Variants in TMX4 observed in about 807,000 individuals in gnomAD.
TMX4 encodes thioredoxin-related transmembrane protein 4.
In TMX4, 23 loss-of-function variants were observed where a neutral mutation model predicts 33.3. The ratio of observed to expected loss-of-function variants is 0.69; its 90% CI spans 0.50 to 0.98. The LOEUF (loss-of-function observed/expected upper bound fraction) is 0.98, where lower values mean the gene tolerates loss of function less well. TMX4 is among the 50% of genes least tolerant of loss of function. TMX4 has a pLI of 0.00. For missense variants in TMX4, 399 were observed against 448.9 expected, an observed-to-expected ratio of 0.89 and a Z score of 1.01; for synonymous variants, 164 against 161.5, an observed-to-expected ratio of 1.02 and a Z score of -0.12.
rs1177455800 is a variant in TMX4 at position 7,978,655 on chromosome 20, TAACA to T, written c.*3592_*3595del. On this transcript the variant is annotated 3_prime_UTR_variant, in exon 8 of 8. Transcript: ENST00000246024. ...GTATAGAGCTAAAGAGGCCTGTGGCTAACAGACAGGGATTCCATGCACAAGAGCT... is the reference window on the plus strand; with the variant it reads ...GTATAGAGCTAAAGAGGCCTGTGGCTGACAGGGATTCCATGCACAAGAGCT... The T allele has an allele frequency of 6.6e-6, 1 of 152,228 alleles. No homozygotes were observed. Among genetic ancestry groups the T allele is most frequent in the Non-Finnish European group, 1.5e-5 (1 of 68,042 alleles). 9.4% of individuals were successfully genotyped at this position (152,228 alleles called of 1,614,324 possible).
chr20:8,003,232 CA>C (rs2050714620), intron 2 of TMX4, among the ~76,000 whole-genome samples: 1 of 152,044 alleles, frequency 6.6e-6, no homozygotes, highest in Non-Finnish European at 1.5e-5. Flanking sequence ...TCCTTATGAC[CA>C]GCCAAAAATT....
At chr20:8,003,583 T>C (rs937915581) in intron 2 of TMX4, among the ~76,000 whole-genome samples, 1 of 152,108 alleles carries the variant, frequency 6.6e-6, no homozygotes, top group Non-Finnish European at 1.5e-5. Flanking sequence ...CTTTTAGAAA[T>C]TGCACCTCAT....
At chr20:8,006,009 G>C (rs1292104771) in intron 2 of TMX4, among the ~76,000 whole-genome samples, 1 of 146,726 alleles carries the variant, frequency 6.8e-6, no homozygotes, top group South Asian at 2.1e-4. Context: ...TAAGGCAGGG[G>C]GGTGTCTAAT....
intron 2 of TMX4, among the ~76,000 whole-genome samples, chr20:8,004,953 A>T (rs1037955190): frequency 1.3e-5 from 2 of 152,252 alleles, no homozygotes; most frequent in African/African-American, 4.8e-5. Flanking sequence ...GTTATTATCA[A>T]CAAAGAGGGT....
intron 5 of TMX4, among the ~76,000 whole-genome samples, chr20:7,995,656 G>A (rs1195316087): frequency 6.6e-6 from 1 of 152,008 alleles, no homozygotes; most frequent in African/African-American, 2.4e-5. Flanking sequence ...ACAGGCTAGA[G>A]TTTGTTAATC....
At chr20:8,003,651 C>G (rs2050716319) in intron 2 of TMX4, among the ~76,000 whole-genome samples, 1 of 151,944 alleles carries the variant, frequency 6.6e-6, no homozygotes, top group Non-Finnish European at 1.5e-5. Context: ...CAGTGAGTAC[C>G]AAGAAAAAGT....
chr20:7,997,507 TA>T (rs1162887988), intron 4 of TMX4, among the ~76,000 whole-genome samples: 2,121 of 143,478 alleles, frequency 0.015, 53 homozygotes, highest in African/African-American at 0.049. Flanking sequence ...TTTCCTTATT[TA>T]AAAAAAAAAA....
At chr20:8,006,230 A>G (rs6055457) in intron 2 of TMX4, among the ~76,000 whole-genome samples, 39,338 of 151,800 alleles carry the variant, frequency 0.26, 6,153 homozygotes, top group South Asian at 0.42. Flanking sequence ...CCTGTGAGGG[A>G]AGAAGGGAAC....
rs964843963 is a variant in TMX4, at chr20:7,987,280, T to A, written c.615+8A>T. On this transcript the variant is annotated splice_region_variant and intron_variant, in intron 6 of 7. Transcript: ENST00000246024. ...TAAAGATAGAAAAAGTTTGGTATTA[T>A]CTCTTACCAGACCCATAAAAAGGCC... 6.5e-7 allele frequency: 1 copy of A among 1,548,074 alleles called. No homozygotes were observed. Among genetic ancestry groups the A allele is most frequent in the Non-Finnish European group, 8.7e-7 (1 of 1,146,762 alleles).
At chr20:7,989,395 A>G (rs945467627) in intron 5 of TMX4, among the ~76,000 whole-genome samples, 1 of 152,228 alleles carries the variant, frequency 6.6e-6, no homozygotes, top group African/African-American at 2.4e-5. Context: ...CTTTCTGCAA[A>G]ATAAATGATT....
rs568059617 is a variant in TMX4 at position 8,005,210 on chromosome 20, T to C, written c.293-3669A>G. Among the ~76,000 whole-genome samples the C allele has an allele frequency of 3.9e-5, 6 of 152,302 alleles. No homozygotes were observed. In the South Asian group the frequency reaches 8.3e-4, roughly 21 times the overall value. ...TGAAATAGCCATCACTCAAGGGTGA[T>C]GAGCAGCTGCTGTTTTCCTGACCTT... is the stretch of plus-strand genomic sequence containing the variant. On this transcript the variant is annotated intron_variant, in intron 2 of 7. Transcript: ENST00000246024.
chr20:8,015,409 C>T (rs1275219303), intron 1 of TMX4, among the ~76,000 whole-genome samples: 1 of 152,204 alleles, frequency 6.6e-6, no homozygotes, highest in East Asian at 1.9e-4. Context: ...GGGCCATTCC[C>T]ACACACCAAA....
In TMX4 at chr20:8,019,687, C is replaced by T; in HGVS notation, c.-74G>A. 1 of 1,235,352 alleles carries T rather than the reference C, an allele frequency of 8.1e-7. No individual in the cohort carries two copies. Among genetic ancestry groups the T allele is most frequent in the South Asian group, 2.9e-5 (1 of 34,352 alleles). 76.5% of individuals were successfully genotyped at this position (1,235,352 alleles called of 1,614,324 possible). On this transcript the variant is annotated 5_prime_UTR_variant, in exon 1 of 8. Coordinates refer to ENST00000246024, the MANE Select transcript of TMX4 (RefSeq NM_021156.4). ...CGGCCGGCCCGCAGCCTCGCTCGCC[C>T]GCCGGGTTTTTCAAGGAAGCGGGAG...
In TMX4 at chr20:7,977,733, A is replaced by C. The variant is rs1350580347; in HGVS notation, c.*4518T>G. ...TTTATAACATATTGCATTGCAAATA[A>C]GCAATGTTTTTAGTATAAAAATTGC... On this transcript the variant is annotated 3_prime_UTR_variant, in exon 8 of 8. Transcript: ENST00000246024. The C allele has an allele frequency of 6.6e-6, 1 of 152,262 alleles. No homozygotes were observed. Among genetic ancestry groups the C allele is most frequent in the Non-Finnish European group, 1.5e-5 (1 of 68,040 alleles). 9.4% of individuals were successfully genotyped at this position (152,262 alleles called of 1,614,324 possible). A position where few individuals can be genotyped will look rare whatever the true frequency, so the allele number is the denominator to read the frequency against.
At chr20:7,992,062 T>G (rs910053394) in intron 5 of TMX4, among the ~76,000 whole-genome samples, 1 of 152,260 alleles carries the variant, frequency 6.6e-6, no homozygotes, top group East Asian at 1.9e-4. Flanking sequence ...AAGTTCAATC[T>G]TCTGCACATT....
intron 1 of TMX4, among the ~76,000 whole-genome samples, chr20:8,014,969 CACTT>C (rs2050767190): frequency 6.6e-6 from 1 of 152,046 alleles, no homozygotes; most frequent in Non-Finnish European, 1.5e-5. Flanking sequence ...CCTTGCTCCC[CACTT>C]ACTAAGGATC....
At chr20:8,011,508 A>G (rs1009007516) in intron 1 of TMX4, among the ~76,000 whole-genome samples, 12 of 152,078 alleles carry the variant, frequency 7.9e-5, no homozygotes, top group Non-Finnish European at 1.3e-4. Flanking sequence ...ACACATATAA[A>G]CCAACTTTGC....
At chr20:8,014,848 G>A (rs554011499) in intron 1 of TMX4, among the ~76,000 whole-genome samples, 77 of 152,302 alleles carry the variant, frequency 5.1e-4, no homozygotes, top group African/African-American at 1.8e-3. Context: ...CTGGCTAGCT[G>A]AGGGCCAAAG....
Position 8,001,554 on chromosome 20 carries a change from T to C in TMX4, c.293-13A>G. On this transcript the variant is annotated splice_polypyrimidine_tract_variant and intron_variant, in intron 2 of 7. Coordinates refer to ENST00000246024, the MANE Select transcript of TMX4 (RefSeq NM_021156.4). ...CGGCCACTCAAACCTACAAGAAGCA[T>C]AAACAGAACAAAAGTTACACTTAAG... 1 of 1,595,738 alleles carries C rather than the reference T, an allele frequency of 6.3e-7. No homozygotes were observed. Among genetic ancestry groups the C allele is most frequent in the African/African-American group, 1.3e-5 (1 of 74,566 alleles).
Sources: gnomAD v4.1 joint callset for allele counts (sites outside exome capture counted in the v4.1 genomes callset) on GRCh38, gnomAD v4.1.1 for gene constraint, MANE v1.5 for transcripts, NCBI Gene and HGNC (gene_info 2026-07-23, HGNC 2026-07-21) for gene names.